The following MOB3B variants were observed in gnomAD, a reference collection of about 807,000 sequenced individuals.
MOB3B encodes the protein MOB kinase activator 3B, also known as MOB kinase activator-like 2B.
Under a neutral mutation model 18.7 loss-of-function variants are expected in MOB3B, and 7 were observed. The ratio of observed to expected loss-of-function variants is 0.37; its 90% CI spans 0.21 to 0.70. MOB3B has a LOEUF of 0.70. MOB3B is among the 30% of genes least tolerant of loss of function. The probability of loss-of-function intolerance (pLI) is 0.52; values close to 1 mark genes in which losing one functional copy is unlikely to be tolerated. For missense variants in MOB3B, 253 were observed against 281.3 expected (o/e 0.90, Z 0.72); for synonymous variants, 111 against 99.9 (o/e 1.11, Z -0.66).
chr9:27,360,693 CTG>C (rs1487728270), intron 2 of MOB3B, among the ~76,000 whole-genome samples: 1 of 152,214 alleles, frequency 6.6e-6, no homozygotes, highest in East Asian at 1.9e-4. Context: ...TGGTGAGACA[CTG>C]TAATGGGATC....
intron 2 of MOB3B, among the ~76,000 whole-genome samples, chr9:27,405,695 T>C (rs1821958099): frequency 6.6e-6 from 1 of 152,160 alleles, no homozygotes; most frequent in Admixed American, 6.5e-5. Flanking sequence ...TAGGCCAACA[T>C]CTTTGATGAA....
chr9:27,417,724 G>A (rs1245070664), intron 2 of MOB3B, among the ~76,000 whole-genome samples: 1 of 152,148 alleles, frequency 6.6e-6, no homozygotes, highest in Non-Finnish European at 1.5e-5. Flanking sequence ...ACATACATGA[G>A]CTCATGTGAT....
intron 1 of MOB3B, among the ~76,000 whole-genome samples, chr9:27,492,620 G>A (rs1044324085): frequency 6.6e-6 from 1 of 152,214 alleles, no homozygotes; most frequent in African/African-American, 2.4e-5. Flanking sequence ...ACTGATAACT[G>A]CCAGGCATCA....
At chr9:27,524,669 C>G (rs1376065131) in intron 1 of MOB3B, 1 of 1,613,910 alleles carries the variant, frequency 6.2e-7, no homozygotes, top group Non-Finnish European at 8.5e-7. Flanking sequence ...AGAGACACCT[C>G]AAACAAATCC....
chr9:27,487,477 C>A (rs1316364731), intron 1 of MOB3B, among the ~76,000 whole-genome samples: 1 of 152,090 alleles, frequency 6.6e-6, no homozygotes, highest in East Asian at 1.9e-4. Flanking sequence ...GTGAAACAGA[C>A]CCCTATGTGC....
intron 2 of MOB3B, among the ~76,000 whole-genome samples, chr9:27,387,765 C>T (rs892833139): frequency 2.2e-4 from 34 of 152,066 alleles, no homozygotes; most frequent in Admixed American, 1.2e-3. Context: ...ATTAACGTTT[C>T]GGATGGATTG....
intron 2 of MOB3B, among the ~76,000 whole-genome samples, chr9:27,437,931 G>C (rs1198711963): frequency 6.6e-6 from 1 of 152,154 alleles, no homozygotes; most frequent in Non-Finnish European, 1.5e-5. Flanking sequence ...TGAAAGCATA[G>C]AAACCACATT....
At chr9:27,524,338 T>C in intron 1 of MOB3B, 1 of 1,601,400 alleles carries the variant, frequency 6.2e-7, no homozygotes, top group Non-Finnish European at 8.5e-7. Flanking sequence ...GCAAAAAAAA[T>C]GAGCACCAAA....
chr9:27,472,229 T>G (rs1231292278), intron 1 of MOB3B, among the ~76,000 whole-genome samples: 1 of 151,962 alleles, frequency 6.6e-6, no homozygotes, highest in East Asian at 1.9e-4. Flanking sequence ...CACTATTTTT[T>G]TTTTAATGAC....
chr9:27,443,813 A>T (rs946201630), intron 2 of MOB3B, among the ~76,000 whole-genome samples: 4 of 152,150 alleles, frequency 2.6e-5, no homozygotes. Context: ...CAATAGCTTT[A>T]TTAGCCCTGG....
chr9:27,444,761 A>G (rs567042623), intron 2 of MOB3B, among the ~76,000 whole-genome samples: 11 of 152,332 alleles, frequency 7.2e-5, no homozygotes, highest in Admixed American at 7.2e-4. Context: ...CAGTTTCCTC[A>G]TTTGAAAATA....
At chr9:27,373,519 G>A (rs889070129) in intron 2 of MOB3B, among the ~76,000 whole-genome samples, 2 of 152,048 alleles carry the variant, frequency 1.3e-5, no homozygotes, top group African/African-American at 2.4e-5. Flanking sequence ...CCTCCCCCAG[G>A]TACAGACACC....
At chr9:27,491,363 T>C (rs1298275407) in intron 1 of MOB3B, among the ~76,000 whole-genome samples, 2 of 152,138 alleles carry the variant, frequency 1.3e-5, no homozygotes, top group African/African-American at 4.8e-5. Context: ...GATGGGAGGC[T>C]TTGAAGTTGT....
intron 2 of MOB3B, among the ~76,000 whole-genome samples, chr9:27,359,567 G>C (rs565346024): frequency 3.9e-5 from 6 of 152,198 alleles, no homozygotes; most frequent in Admixed American, 2.0e-4. Context: ...TTAAACATTA[G>C]CAATTAACTT....
chr9:27,362,694 G>T (rs1821290501), intron 2 of MOB3B, among the ~76,000 whole-genome samples: 1 of 152,174 alleles, frequency 6.6e-6, no homozygotes, highest in Admixed American at 6.5e-5. Flanking sequence ...GAGCCCTCAG[G>T]AGCCTAGGAA....
intron 1 of MOB3B, among the ~76,000 whole-genome samples, chr9:27,510,525 T>G (rs1007809526): frequency 6.6e-6 from 1 of 152,234 alleles, no homozygotes; most frequent in African/African-American, 2.4e-5. Context: ...AATAAGTTTA[T>G]TATATTATAG....
chr9:27,508,210 T>C (rs1028952613), intron 1 of MOB3B, among the ~76,000 whole-genome samples: 1 of 152,222 alleles, frequency 6.6e-6, no homozygotes, highest in African/African-American at 2.4e-5. Flanking sequence ...ATAATGCCTT[T>C]GGGCTAAAAC....
At chr9:27,447,189 A>G (rs891018517) in intron 2 of MOB3B, among the ~76,000 whole-genome samples, 5 of 152,142 alleles carry the variant, frequency 3.3e-5, no homozygotes, top group African/African-American at 7.2e-5. Flanking sequence ...AAGTATCTGC[A>G]TACTCTCTAT....
chr9:27,379,902 T>C (rs934034446), intron 2 of MOB3B, among the ~76,000 whole-genome samples: 4 of 152,254 alleles, frequency 2.6e-5, no homozygotes, highest in African/African-American at 9.6e-5. Context: ...TAAATCTTAC[T>C]GCTATTCGCT....
Sources: gnomAD v4.1 joint callset for allele counts (sites outside exome capture counted in the v4.1 genomes callset) on GRCh38, gnomAD v4.1.1 for gene constraint, MANE v1.5 for transcripts, NCBI Gene and HGNC (gene_info 2026-07-23, HGNC 2026-07-21) for gene names.